The following PDE4D variants were observed in gnomAD, a reference collection of about 807,000 sequenced individuals.
PDE4D encodes the protein 3',5'-cyclic-AMP phosphodiesterase 4D.
In PDE4D, 24 loss-of-function variants were observed where a neutral mutation model predicts 87.4. The observed-to-expected ratio is 0.27, with a 90% confidence interval of 0.20 to 0.39. PDE4D has a LOEUF of 0.39. Among genes scored for constraint, PDE4D ranks in the 10% least tolerant of loss-of-function variants. The pLI is 1.00. For synonymous variants in PDE4D, 384 were observed against 383.2 expected, an observed-to-expected ratio of 1.00 and a Z score of -0.02; for missense variants, 714 against 1,041.0, an observed-to-expected ratio of 0.69 and a Z score of 4.32.
At chr5:59,517,820 T>A (rs1220360672) in intron 1 of PDE4D, among the ~76,000 whole-genome samples, 1 of 152,212 alleles carries the variant, frequency 6.6e-6, no homozygotes, top group Non-Finnish European at 1.5e-5. Context: ...AAAAATGGTG[T>A]CAATGTAATG....
chr5:59,143,805 T>C (rs1250638968), intron 5 of PDE4D, among the ~76,000 whole-genome samples: 1 of 152,228 alleles, frequency 6.6e-6, no homozygotes, highest in Non-Finnish European at 1.5e-5. Flanking sequence ...AAGTATTTGA[T>C]GTCCCAGCTG....
intron 2 of PDE4D, among the ~76,000 whole-genome samples, chr5:60,180,590 G>A (rs1395431190): frequency 2.0e-5 from 3 of 152,088 alleles, no homozygotes; most frequent in Non-Finnish European, 4.4e-5. Context: ...TATCAGATAT[G>A]CTCTATGAGG....
chr5:58,982,785 T>G (rs1306142045), intron 11 of PDE4D, among the ~76,000 whole-genome samples: 2 of 152,184 alleles, frequency 1.3e-5, no homozygotes, highest in East Asian at 3.9e-4. Context: ...GGCCACTTTG[T>G]TCTTAGCATG....
intron 1 of PDE4D, among the ~76,000 whole-genome samples, chr5:59,438,760 T>C (rs534534021): frequency 6.6e-6 from 1 of 152,060 alleles, no homozygotes; most frequent in Admixed American, 6.5e-5. Flanking sequence ...ATTTCTGTAC[T>C]CCACCTCTTC....
chr5:59,347,611 G>C (rs1443172509), intron 1 of PDE4D, among the ~76,000 whole-genome samples: 1 of 152,034 alleles, frequency 6.6e-6, no homozygotes, highest in African/African-American at 2.4e-5. Flanking sequence ...ATTTTTCTTT[G>C]CTTTAGTATT....
chr5:59,439,427 C>T (rs1290064636), intron 1 of PDE4D, among the ~76,000 whole-genome samples: 3 of 151,648 alleles, frequency 2.0e-5, no homozygotes, highest in Non-Finnish European at 2.9e-5. Flanking sequence ...CACAATGCTG[C>T]GCTGCCATAA....
intron 2 of PDE4D, among the ~76,000 whole-genome samples, chr5:60,020,189 T>C (rs1271430971): frequency 6.6e-6 from 1 of 152,136 alleles, no homozygotes; most frequent in South Asian, 2.1e-4. Flanking sequence ...AATCTATCAC[T>C]TAAGTTCACA....
At chr5:59,418,642 C>T (rs1582502125) in intron 1 of PDE4D, among the ~76,000 whole-genome samples, 2 of 151,502 alleles carry the variant, frequency 1.3e-5, no homozygotes, top group East Asian at 1.9e-4. Context: ...CAGGATTTAC[C>T]TAACAATTTT....
At chr5:59,802,619 G>A (rs996147851) in intron 1 of PDE4D, among the ~76,000 whole-genome samples, 7 of 151,878 alleles carry the variant, frequency 4.6e-5, no homozygotes, top group Non-Finnish European at 7.4e-5. Context: ...GGATGGTCTC[G>A]ATCTCCTGAC....
At chr5:60,049,426 G>C (rs1475714832) in intron 2 of PDE4D, among the ~76,000 whole-genome samples, 1 of 152,210 alleles carries the variant, frequency 6.6e-6, no homozygotes, top group Non-Finnish European at 1.5e-5. Flanking sequence ...CGTTCCTTTG[G>C]ACGAGGAGAG....
intron 1 of PDE4D, among the ~76,000 whole-genome samples, chr5:59,327,225 G>A (rs1229001411): frequency 1.3e-5 from 2 of 151,322 alleles, no homozygotes; most frequent in Non-Finnish European, 2.9e-5. Flanking sequence ...ATTGAGTTGT[G>A]ATTCTTTAGC....
chr5:59,260,605 T>C (rs1226510492), intron 1 of PDE4D, among the ~76,000 whole-genome samples: 1 of 151,828 alleles, frequency 6.6e-6, no homozygotes, highest in Non-Finnish European at 1.5e-5. Flanking sequence ...TGTTTGACTA[T>C]TAAGAAATGA....
At chr5:59,414,118 T>C (rs1362501101) in intron 1 of PDE4D, among the ~76,000 whole-genome samples, 2 of 152,244 alleles carry the variant, frequency 1.3e-5, no homozygotes, top group African/African-American at 4.8e-5. Context: ...ATGACTGTAC[T>C]GAAAGTAACA....
chr5:59,732,394 TCACACACA>T (rs71604799), intron 1 of PDE4D, among the ~76,000 whole-genome samples: 15 of 146,214 alleles, frequency 1.0e-4, no homozygotes, highest in East Asian at 2.0e-4. Flanking sequence ...CAGGAGACAT[TCACACACA>T]CACACACACA....
intron 6 of PDE4D, among the ~76,000 whole-genome samples, chr5:59,007,476 C>T (rs574017625): frequency 1.2e-4 from 19 of 152,168 alleles, no homozygotes; most frequent in African/African-American, 4.6e-4. Flanking sequence ...CTTTCAAATG[C>T]CTTAAAAATA....
At chr5:60,241,701 TC>T (rs1747146983) in intron 1 of PDE4D, among the ~76,000 whole-genome samples, 1 of 152,026 alleles carries the variant, frequency 6.6e-6, no homozygotes, top group African/African-American at 2.4e-5. Flanking sequence ...AAAGGGCAGA[TC>T]TTAGAGTTAT....
chr5:59,893,294 G>C lies in PDE4D; in HGVS notation c.329C>G (p.Ser110Trp). 6.5e-7 allele frequency: 1 copy of C among 1,537,170 alleles called. No individual in the cohort carries two copies. Among genetic ancestry groups the C allele is most frequent in the Non-Finnish European group, 8.8e-7 (1 of 1,140,646 alleles). The change falls in exon 1 of 15, where the codon TCG (serine) becomes TGG (tryptophan). Residue 110 changes from serine (S) to tryptophan (W), a missense_variant. By Grantham distance (177) the Ser-to-Trp change is radical (BLOSUM62 -3). Transcript: ENST00000340635. ...ACAGTACAGGTAGCGCTCGGTGTCC[G>C]AGTAGCCGCGATGCCGGACGCGGCC... The part of the protein sequence containing the change: ...ATGRVRHRGY[S>W]DTERYLYCRA...
At chr5:59,236,714 A>C (rs528958849) in intron 1 of PDE4D, among the ~76,000 whole-genome samples, 1 of 152,160 alleles carries the variant, frequency 6.6e-6, no homozygotes, top group South Asian at 2.1e-4. Context: ...CCACATGCCC[A>C]GCTCTTCAAC....
chr5:60,331,155 A>G (rs1012725531), intron 1 of PDE4D, among the ~76,000 whole-genome samples: 1 of 152,366 alleles, frequency 6.6e-6, no homozygotes, highest in East Asian at 1.9e-4. Context: ...CACAGGCAGC[A>G]TAACAAGGTA....
Sources: allele counts gnomAD v4.1 joint callset (sites outside exome capture counted in the v4.1 genomes callset), GRCh38; gene constraint gnomAD v4.1.1; transcripts MANE v1.5; gene names NCBI Gene and HGNC (gene_info 2026-07-23, HGNC 2026-07-21).